The following SPECC1 variants were observed in gnomAD, a reference collection of about 807,000 sequenced individuals.
SPECC1 encodes the protein sperm antigen with calponin homology and coiled-coil domains 1, also known as cytospin-B.
In SPECC1, 62 loss-of-function variants were observed where a neutral mutation model predicts 104.1. The observed-to-expected ratio is 0.60, with a 90% CI of 0.49 to 0.74. The LOEUF is 0.74. Ranked by LOEUF, SPECC1 falls within the 30% of genes least tolerant of loss-of-function variation. SPECC1 has a pLI of 0.00. For synonymous variants in SPECC1, 513 were observed against 501.6 expected (o/e 1.02, Z -0.30); for missense variants, 1,306 against 1,310.5 (o/e 1.00, Z 0.05).
At chr17:20,295,713 T>C (rs2041327436) in intron 12 of SPECC1, among the ~76,000 whole-genome samples, 1 of 152,250 alleles carries the variant, frequency 6.6e-6, no homozygotes, top group African/African-American at 2.4e-5. Context: ...ATCACCATTC[T>C]AACTGGTGTG....
chr17:20,257,339 T>C, intron 10 of SPECC1, 112 bp from the exon 11 acceptor site: 5 of 1,246,874 alleles, frequency 4.0e-6, no homozygotes, highest in Non-Finnish European at 5.5e-6. Flanking sequence ...AAACTATATA[T>C]ATGTTTGCAC....
At chr17:20,232,988 A>C (rs1019296992) in intron 7 of SPECC1, among the ~76,000 whole-genome samples, 1 of 152,250 alleles carries the variant, frequency 6.6e-6, no homozygotes, top group Non-Finnish European at 1.5e-5. Flanking sequence ...AGAAGCACAC[A>C]GTGTATCAGC....
chr17:20,113,447 AG>A (rs2048594143), intron 3 of SPECC1, among the ~76,000 whole-genome samples: 1 of 152,164 alleles, frequency 6.6e-6, no homozygotes, highest in African/African-American at 2.4e-5. Context: ...AACTTGGAAA[AG>A]GTTGTTCAGG....
intron 1 of SPECC1, among the ~76,000 whole-genome samples, chr17:20,011,197 A>C (rs2043930224): frequency 6.6e-6 from 1 of 152,220 alleles, no homozygotes; most frequent in Admixed American, 6.5e-5. Flanking sequence ...GAATAGAAGA[A>C]TTATCTGTTC....
chr17:20,251,224 C>CAAAAAAAAAAAAAAAAAA (rs58071050), intron 9 of SPECC1, among the ~76,000 whole-genome samples: 12 of 51,014 alleles, frequency 2.4e-4, no homozygotes, highest in East Asian at 9.0e-4. Context: ...GACTCTATCT[C>CAAAAAAAAAAAAAAAAAA]AAAAAAAAAA....
At chr17:20,212,333 C>T (rs1263072856) in intron 4 of SPECC1, among the ~76,000 whole-genome samples, 3 of 152,176 alleles carry the variant, frequency 2.0e-5, no homozygotes, top group Non-Finnish European at 4.4e-5. Flanking sequence ...CTTTCTTACT[C>T]ATTGAATTAG....
intron 12 of SPECC1, among the ~76,000 whole-genome samples, chr17:20,266,239 G>A (rs1318147323): frequency 6.6e-6 from 1 of 152,188 alleles, no homozygotes; most frequent in Non-Finnish European, 1.5e-5. Flanking sequence ...TTGTGTCATA[G>A]CTGGTTTCTT....
At chr17:20,304,029 T>A (rs955357088) in intron 13 of SPECC1, among the ~76,000 whole-genome samples, 1 of 146,810 alleles carries the variant, frequency 6.8e-6, no homozygotes, top group African/African-American at 2.5e-5. Flanking sequence ...CCCAGCACTT[T>A]GGGAGGCTGA....
intron 10 of SPECC1, among the ~76,000 whole-genome samples, chr17:20,254,238 A>G (rs2039742849): frequency 6.6e-6 from 1 of 151,020 alleles, no homozygotes; most frequent in Admixed American, 6.6e-5. Context: ...CAGCAGTCCC[A>G]GCAGTCCCCA....
At chr17:20,277,201 C>T (rs1007339858) in intron 12 of SPECC1, among the ~76,000 whole-genome samples, 1 of 152,168 alleles carries the variant, frequency 6.6e-6, no homozygotes, top group Non-Finnish European at 1.5e-5. Flanking sequence ...CATGCCTGGA[C>T]ACTTGGGCTG....
intron 7 of SPECC1, among the ~76,000 whole-genome samples, chr17:20,236,085 A>T (rs2038893625): frequency 6.6e-6 from 1 of 152,132 alleles, no homozygotes; most frequent in Non-Finnish European, 1.5e-5. Context: ...GGAGGTATAG[A>T]TTCTTTAAGG....
At chr17:20,112,754 GGT>G (rs2048556953) in intron 3 of SPECC1, 6 of 1,248,482 alleles carry the variant, frequency 4.8e-6, no homozygotes, top group South Asian at 1.2e-5. Context: ...TAACCTGAAA[GGT>G]GTGGATATGG....
At chr17:20,208,951 CCA>C (rs779957271) in intron 4 of SPECC1, among the ~76,000 whole-genome samples, 9 of 152,274 alleles carry the variant, frequency 5.9e-5, no homozygotes, top group South Asian at 2.1e-4. Flanking sequence ...CAGCCAGGCA[CCA>C]CCATGCCTGA....
chr17:20,220,543 T>C (rs1168619835), intron 4 of SPECC1, among the ~76,000 whole-genome samples: 1 of 146,852 alleles, frequency 6.8e-6, no homozygotes, highest in African/African-American at 2.5e-5. Context: ...TCACTGAATT[T>C]ATCAGTTCTT....
intron 3 of SPECC1, among the ~76,000 whole-genome samples, chr17:20,162,841 A>C (rs201740009): frequency 1.4e-4 from 22 of 152,242 alleles, no homozygotes; most frequent in East Asian, 1.9e-4. Context: ...CAGCCTGACC[A>C]ACATGGAGAA....
At chr17:20,305,703 GCAT>G (rs561497292) in intron 13 of SPECC1, 86 of 252,062 alleles carry the variant, frequency 3.4e-4, no homozygotes, top group African/African-American at 1.9e-3. Flanking sequence ...TTTTGATATA[GCAT>G]CATGATTAAG....
intron 12 of SPECC1, among the ~76,000 whole-genome samples, chr17:20,266,199 T>C (rs1051812780): frequency 3.3e-5 from 5 of 152,244 alleles, no homozygotes; most frequent in Admixed American, 3.3e-4. Flanking sequence ...ATTTTTCCAA[T>C]CCATGAGCAT....
chr17:20,280,736 G>A (rs1333682182), intron 12 of SPECC1, among the ~76,000 whole-genome samples: 4 of 152,214 alleles, frequency 2.6e-5, no homozygotes, highest in Admixed American at 2.0e-4. Context: ...ACAGCCACAT[G>A]GGGCTGGTGG....
chr17:20,288,771 CTTTTTTTTTTTTTT>C (rs60578647), intron 12 of SPECC1, among the ~76,000 whole-genome samples: 4 of 73,708 alleles, frequency 5.4e-5, no homozygotes, highest in East Asian at 5.3e-4. Flanking sequence ...AAGGGCACTT[CTTTTTTTTTTTTTT>C]TTTTTTTTTT....
Sources: gnomAD v4.1 joint callset for allele counts (sites outside exome capture counted in the v4.1 genomes callset) on GRCh38, gnomAD v4.1.1 for gene constraint, MANE v1.5 for transcripts, NCBI Gene and HGNC (gene_info 2026-07-23, HGNC 2026-07-21) for gene names.